Variants in TRPV4 observed in about 807,000 individuals in gnomAD.
TRPV4 encodes OSM9-like transient receptor potential channel 4.
A neutral mutation model predicts 84.1 loss-of-function variants in TRPV4; 58 were observed. The ratio of observed to expected loss-of-function variants is 0.69; its 90% CI spans 0.56 to 0.86. The LOEUF is 0.86. Ranked by LOEUF, TRPV4 falls within the 40% of genes least tolerant of loss-of-function variation. The probability of loss-of-function intolerance (pLI) is 0.00; values close to 1 mark genes in which losing one functional copy is unlikely to be tolerated. For missense variants in TRPV4, 879 were observed against 1,181.1 expected (o/e 0.74, Z 3.75); for synonymous variants, 489 against 500.9 (o/e 0.98, Z 0.32).
intron 15 of TRPV4, 99 bp downstream of exon 15, chr12:109,784,217 G>A: frequency 1.3e-6 from 2 of 1,569,278 alleles, no homozygotes; most frequent in Non-Finnish European, 1.7e-6. Flanking sequence ...TCATTCTGTA[G>A]ACACGGACAC....
intron 2 of TRPV4, among the ~76,000 whole-genome samples, chr12:109,813,304 C>T (rs1891636307): frequency 6.6e-6 from 1 of 151,848 alleles, no homozygotes; most frequent in African/African-American, 2.4e-5. Context: ...TCCCGCTACT[C>T]GGGAGGCTGA....
intron 4 of TRPV4, 54 bp downstream of exon 4, chr12:109,802,937 A>C: frequency 3.1e-6 from 5 of 1,595,940 alleles, no homozygotes; most frequent in Non-Finnish European, 4.3e-6. Context: ...AGACAAGCAA[A>C]GGACAGCGTC....
chr12:109,793,351 T>C lies in TRPV4; in HGVS notation c.1658+176A>G, dbSNP rs1890161035. 1 of 658,796 alleles carries C rather than the reference T, an allele frequency of 1.5e-6. No individual in the cohort carries two copies. The highest frequency in any genetic ancestry group is 1.7e-5 in the South Asian group (1 of 59,082). 40.8% of individuals were successfully genotyped at this position (658,796 alleles called of 1,614,324 possible). On this transcript the variant is annotated intron_variant, in intron 10 of 15. Transcript: ENST00000261740. The surrounding 1 kb of genome is among the most constrained non-coding windows in gnomAD (Gnocchi z 4.0). ...TGATAACTCCCTAGCAATCAGAATTTTTCTTGAACCAGAAGACCCTATTGT... is the reference window on the plus strand; with the variant it reads ...TGATAACTCCCTAGCAATCAGAATTCTTCTTGAACCAGAAGACCCTATTGT...
At chr12:109,811,792 C>T (rs374493744) in intron 2 of TRPV4, among the ~76,000 whole-genome samples, 79 of 152,018 alleles carry the variant, frequency 5.2e-4, no homozygotes, top group African/African-American at 1.8e-3. Context: ...CTGTGGCCAG[C>T]AGGGGGACAG....
chr12:109,801,018 TA>T (rs1890751845), intron 4 of TRPV4, among the ~76,000 whole-genome samples: 1 of 152,230 alleles, frequency 6.6e-6, no homozygotes, highest in Non-Finnish European at 1.5e-5. Flanking sequence ...TAAGATGCTT[TA>T]AAAATCCTAG....
chr12:109,832,912 T>A (rs1458541265), intron 1 of TRPV4, among the ~76,000 whole-genome samples: 2 of 131,146 alleles, frequency 1.5e-5, no homozygotes, highest in Non-Finnish European at 3.3e-5. Flanking sequence ...CGGGACTCAG[T>A]AACCAAGAAG....
chr12:109,810,886 G>A (rs897680947), intron 2 of TRPV4, among the ~76,000 whole-genome samples: 1 of 152,144 alleles, frequency 6.6e-6, no homozygotes, highest in African/African-American at 2.4e-5. Context: ...GCTTTCAACA[G>A]GACCTGGGAA....
chr12:109,799,052 G>A (rs985846971), intron 5 of TRPV4, 140 bp from the exon 6 acceptor site: 12 of 811,582 alleles, frequency 1.5e-5, no homozygotes, highest in South Asian at 7.1e-5. Context: ...TGAACTGCAC[G>A]TTTCTCTGGG....
In TRPV4 at chr12:109,783,363, G is replaced by C; in HGVS notation, c.*258C>G. 1 of 494,128 alleles carries C rather than the reference G, an allele frequency of 2.0e-6. No homozygotes were observed. Among genetic ancestry groups the C allele is most frequent in the Non-Finnish European group, 3.6e-6 (1 of 279,320 alleles). 30.6% of individuals were successfully genotyped at this position (494,128 alleles called of 1,614,324 possible). ...GCAAATAAATAATGGAGAGGCAGGG[G>C]CTGGGGCCTGAGGTGGAGGGGCTCT... On this transcript the variant is annotated 3_prime_UTR_variant, in exon 16 of 16. Coordinates refer to ENST00000261740, the MANE Select transcript of TRPV4 (RefSeq NM_021625.5). This position sits in a 1 kb window ranked among gnomAD's most constrained non-coding sequence, Gnocchi z 4.6.
chr12:109,802,566 T>A (rs570068200), intron 4 of TRPV4, among the ~76,000 whole-genome samples: 29 of 152,012 alleles, frequency 1.9e-4, no homozygotes, highest in African/African-American at 7.0e-4. Context: ...CCTCCCAAAG[T>A]GCTGGGATTA....
intron 4 of TRPV4, among the ~76,000 whole-genome samples, chr12:109,801,142 A>T (rs960085778): frequency 1.3e-5 from 2 of 152,192 alleles, no homozygotes; most frequent in Non-Finnish European, 2.9e-5. Context: ...GTGAGATCCC[A>T]TCTCTATAGA....
chr12:109,809,256 T>C (rs1207935590), intron 2 of TRPV4, among the ~76,000 whole-genome samples: 1 of 138,686 alleles, frequency 7.2e-6, no homozygotes, highest in Admixed American at 7.2e-5. Flanking sequence ...CATCCATTCA[T>C]CCACCCATCT....
intron 7 of TRPV4, among the ~76,000 whole-genome samples, chr12:109,795,528 T>A (rs993109379): frequency 6.6e-6 from 1 of 152,194 alleles, no homozygotes; most frequent in African/African-American, 2.4e-5. Flanking sequence ...TTCTCTATAA[T>A]CATGATTTGT....
chr12:109,792,513 C>T lies in TRPV4; in HGVS notation c.1825-84G>A, dbSNP rs562263955. The T allele has an allele frequency of 3.8e-6, 6 of 1,573,244 alleles. No individual in the cohort carries two copies. In the South Asian group the frequency reaches 5.6e-5, roughly 15 times the overall value. On this transcript the variant is annotated intron_variant, in intron 11 of 15. Transcript: ENST00000261740. ...CCATTCCTCCATCTCCACCCTGGTC[C>T]CACCCCAGTGTCCAGACCATGCCTC...
chr12:109,814,771 C>A lies in TRPV4; in HGVS notation c.26G>T (p.Arg9Leu). The change falls in exon 2 of 16, where the codon CGC becomes CTC. Residue 9 changes from arginine (R) to leucine (L), a missense_variant. Physicochemically the swap from Arg to Leu is moderately radical, Grantham distance 102 (BLOSUM62 -2). Around this residue, in one of 4 missense-constraint regions of TRPV4, gnomAD observed 107 missense variants for 99.4 expected, o/e 1.08. Coordinates refer to ENST00000261740, the MANE Select transcript of TRPV4 (RefSeq NM_021625.5). This position sits in a 1 kb window ranked among gnomAD's most constrained non-coding sequence, Gnocchi z 5.4. Reference sequence around the variant, plus strand: ...CTCAGCCACCTCCCCGGGCCCCGCGCGGGGGCCTTCGCTGGAATCCGCCAT... The same window carrying A: ...CTCAGCCACCTCCCCGGGCCCCGCGAGGGGGCCTTCGCTGGAATCCGCCAT... MADSSEGP[R>L]AGPGEVAELP... The A allele has an allele frequency of 6.5e-7, 1 of 1,549,534 alleles. No individual in the cohort carries two copies. The highest frequency in any genetic ancestry group is 8.7e-7 in the Non-Finnish European group (1 of 1,150,300).
chr12:109,819,509 G>A (rs528076336), intron 1 of TRPV4, among the ~76,000 whole-genome samples: 161 of 152,336 alleles, frequency 1.1e-3, no homozygotes, highest in East Asian at 4.1e-3. Flanking sequence ...GTTCCTGCAC[G>A]ACTGTGAACA....
In TRPV4 at chr12:109,793,960, G is replaced by A. The variant is rs374644279; in HGVS notation, c.1554C>T (p.Leu518=). ...YLRLAGEVIT[L]FTGVLFFFTN... ...TGAAGAAGAACAGGACCCCAGTGAAGAGCGTAATGACCTCGCCAGCCAGCC... is the reference window on the plus strand; with the variant it reads ...TGAAGAAGAACAGGACCCCAGTGAAAAGCGTAATGACCTCGCCAGCCAGCC... The change falls in exon 9 of 16, where the codon CTC becomes CTT. Residue 518 remains leucine (L), a synonymous_variant. Transcript: ENST00000261740. This position sits in a 1 kb window ranked among gnomAD's most constrained non-coding sequence, Gnocchi z 4.0. 7.5e-6 allele frequency: 12 copies of A among 1,610,550 alleles called. No individual in the cohort carries two copies. In the African/African-American group the frequency reaches 1.6e-4, roughly 22 times the overall value.
intron 3 of TRPV4, among the ~76,000 whole-genome samples, chr12:109,805,901 C>A (rs1891088424): frequency 6.6e-6 from 1 of 152,210 alleles, no homozygotes; most frequent in Admixed American, 6.5e-5. Flanking sequence ...AGCCAGAGGC[C>A]TTGACAAGCT....
rs116698155 is a variant in TRPV4 at position 109,798,809 on chromosome 12, C to T, written c.957G>A (p.Ser319=). 25 of 1,614,042 alleles carry T rather than the reference C, an allele frequency of 1.5e-5. No individual in the cohort carries two copies. Among genetic ancestry groups the T allele is most frequent in the African/African-American group, 1.2e-4 (9 of 74,920 alleles). The change falls in exon 6 of 16, where the codon TCG becomes TCA. Residue 319 remains serine, a synonymous_variant. Transcript: ENST00000261740. The surrounding 1 kb of genome is among the most constrained non-coding windows in gnomAD (Gnocchi z 5.0). ...HKKADMRRQD[S]RGNTVLHALV... is the part of the protein sequence containing the mutation. The stretch of plus-strand genomic sequence containing the variant: ...GCGCATGCAGCACTGTGTTGCCTCG[C>T]GAGTCCTGGCGCCGCATGTCCGCCT...
Sources: allele counts gnomAD v4.1 joint callset (sites outside exome capture counted in the v4.1 genomes callset), GRCh38; gene constraint gnomAD v4.1.1; regional missense constraint gnomAD v4.1.1; non-coding constraint Gnocchi (gnomAD v3.1); transcripts MANE v1.5; gene names NCBI Gene and HGNC (gene_info 2026-07-23, HGNC 2026-07-21).